The following ARHGAP15 variants were observed in gnomAD, a reference collection of about 807,000 sequenced individuals.
ARHGAP15 encodes the protein rho GTPase-activating protein 15.
ARHGAP15 carries 51 observed loss-of-function variants against 63.7 expected under a neutral mutation model. The ratio of observed to expected loss-of-function variants is 0.80; its 90% CI spans 0.64 to 1.01. The LOEUF is 1.01. Ranked by LOEUF, ARHGAP15 falls within the 50% of genes least tolerant of loss-of-function variation. The pLI is 0.00. For synonymous variants in ARHGAP15, 191 were observed against 193.8 expected, an observed-to-expected ratio of 0.99 and a Z score of 0.12; for missense variants, 560 against 564.6, an observed-to-expected ratio of 0.99 and a Z score of 0.08.
At chr2:143,469,020 C>T (rs532707715) in intron 8 of ARHGAP15, among the ~76,000 whole-genome samples, 196 of 152,090 alleles carry the variant, frequency 1.3e-3, no homozygotes, top group African/African-American at 4.2e-3. Flanking sequence ...TGGAACTGAC[C>T]CTTTATGAGA....
chr2:143,601,534 A>G (rs1305471967), intron 11 of ARHGAP15: 1 of 152,182 alleles, frequency 6.6e-6, no homozygotes, highest in East Asian at 1.9e-4. Flanking sequence ...CTCTATGATT[A>G]TTCTGATGAA....
intron 6 of ARHGAP15, among the ~76,000 whole-genome samples, chr2:143,286,828 A>G (rs546441153): frequency 6.6e-6 from 1 of 152,344 alleles, no homozygotes; most frequent in Admixed American, 6.5e-5. Context: ...TTACACAAAC[A>G]TAGATGGTAT....
intron 6 of ARHGAP15, among the ~76,000 whole-genome samples, chr2:143,420,604 GC>G (rs1688876452): frequency 6.6e-6 from 1 of 152,166 alleles, no homozygotes; most frequent in African/African-American, 2.4e-5. Context: ...TGAAGCCTCT[GC>G]GGTAATTTAC....
chr2:143,423,080 T>A (rs1688996624), intron 6 of ARHGAP15, among the ~76,000 whole-genome samples: 1 of 151,990 alleles, frequency 6.6e-6, no homozygotes, highest in African/African-American at 2.4e-5. Context: ...GAGGAAAAGA[T>A]CAGGAACCAG....
At chr2:143,400,764 CATATA>C (rs2104995489) in intron 6 of ARHGAP15, among the ~76,000 whole-genome samples, 1 of 152,140 alleles carries the variant, frequency 6.6e-6, no homozygotes, top group East Asian at 1.9e-4. Context: ...GTTAAGATGA[CATATA>C]GTAGAGAAAA....
intron 11 of ARHGAP15, among the ~76,000 whole-genome samples, chr2:143,592,263 A>G (rs562135277): frequency 5.9e-5 from 9 of 152,236 alleles, no homozygotes; most frequent in Non-Finnish European, 1.2e-4. Context: ...AAGAAATTAT[A>G]GCATCATTTT....
At chr2:143,481,709 G>C (rs540052139) in intron 8 of ARHGAP15, among the ~76,000 whole-genome samples, 1 of 152,116 alleles carries the variant, frequency 6.6e-6, no homozygotes, top group South Asian at 2.1e-4. Flanking sequence ...GTAAGCATTC[G>C]TAGCTCTAGA....
At chr2:143,139,184 C>T (rs1198395619) in intron 1 of ARHGAP15, among the ~76,000 whole-genome samples, 1 of 152,052 alleles carries the variant, frequency 6.6e-6, no homozygotes, top group Admixed American at 6.6e-5. Flanking sequence ...GATTATGTCC[C>T]ACATTAAATC....
rs571079517 is a variant in ARHGAP15, at chr2:143,624,265, T to A, written c.1136T>A (p.Ile379Asn). Residue 379 changes from isoleucine to asparagine, a missense_variant and splice_region_variant, in exon 12 of 14, where the codon ATC becomes AAC. By Grantham distance (149) the Ile-to-Asn change is moderately radical. Coordinates refer to ENST00000295095, the MANE Select transcript of ARHGAP15 (RefSeq NM_018460.4). ...YSFFEQFVEA[I>N]KKQDNNTRIE... is the part of the protein sequence containing the mutation. The stretch of plus-strand genomic sequence containing the variant: ...TTCTTTGAGCAGTTTGTGGAAGCGA[T>A]CAGTAAGTACCTCACAGAAAAGGGC... The A allele has an allele frequency of 2.5e-6, 4 of 1,613,132 alleles. No homozygotes were observed. In the African/African-American group the frequency reaches 5.3e-5, roughly 22 times the overall value.
chr2:143,177,219 T>C (rs569424671), intron 2 of ARHGAP15, among the ~76,000 whole-genome samples: 1 of 152,356 alleles, frequency 6.6e-6, no homozygotes, highest in African/African-American at 2.4e-5. Flanking sequence ...TGTCTTCTTT[T>C]TCCTCTGTTA....
intron 6 of ARHGAP15, among the ~76,000 whole-genome samples, chr2:143,316,803 C>A (rs983517744): frequency 6.6e-6 from 1 of 151,960 alleles, no homozygotes; most frequent in East Asian, 1.9e-4. Context: ...TTATTTCCAG[C>A]CTAGATTACA....
intron 9 of ARHGAP15, among the ~76,000 whole-genome samples, chr2:143,492,781 G>A (rs1233232662): frequency 6.6e-6 from 1 of 151,006 alleles, no homozygotes; most frequent in East Asian, 2.0e-4. Context: ...AATCATCCGG[G>A]CGTGGTGGCT....
At chr2:143,229,703 G>C (rs143937226) in intron 5 of ARHGAP15, among the ~76,000 whole-genome samples, 1 of 152,158 alleles carries the variant, frequency 6.6e-6, no homozygotes, top group Non-Finnish European at 1.5e-5. Flanking sequence ...GTAATAAAAC[G>C]ATGGGAAGTT....
intron 10 of ARHGAP15, among the ~76,000 whole-genome samples, chr2:143,537,736 A>G (rs942129393): frequency 7.9e-5 from 12 of 152,220 alleles, no homozygotes; most frequent in African/African-American, 2.4e-4. Context: ...CCATTGATCT[A>G]TATCTCTGTT....
intron 6 of ARHGAP15, among the ~76,000 whole-genome samples, chr2:143,319,741 C>T (rs928760037): frequency 2.6e-5 from 4 of 152,220 alleles, no homozygotes; most frequent in Non-Finnish European, 5.9e-5. Flanking sequence ...GATTAGAAAA[C>T]TCATCTTTAT....
intron 12 of ARHGAP15, among the ~76,000 whole-genome samples, chr2:143,651,661 T>A (rs1681171009): frequency 6.6e-6 from 1 of 152,044 alleles, no homozygotes; most frequent in African/African-American, 2.4e-5. Flanking sequence ...GCAGAGTAAC[T>A]ATATCATTTT....
At chr2:143,722,164 TGAAAA>T (rs1021590614) in intron 13 of ARHGAP15, among the ~76,000 whole-genome samples, 2 of 151,760 alleles carry the variant, frequency 1.3e-5, no homozygotes, top group East Asian at 1.9e-4. Flanking sequence ...TTTAGATACT[TGAAAA>T]GAAACACACA....
chr2:143,562,914 A>T (rs1177954738), intron 11 of ARHGAP15, among the ~76,000 whole-genome samples: 1 of 152,228 alleles, frequency 6.6e-6, no homozygotes, highest in Non-Finnish European at 1.5e-5. Flanking sequence ...GACAGTCTCC[A>T]AGACACACAA....
rs553712866 is a variant in ARHGAP15, at chr2:143,662,540, C to T, written c.1138+38273C>T. On this transcript the variant is annotated intron_variant, in intron 12 of 13. Transcript: ENST00000295095. ...CCTCCAAAGGAACGCAGTTCCTCACCAGCAACGGAACAAAGCTGGATGGAG... is the reference window on the plus strand; with the variant it reads ...CCTCCAAAGGAACGCAGTTCCTCACTAGCAACGGAACAAAGCTGGATGGAG... 1.2e-4 allele frequency among the ~76,000 whole-genome samples: 17 copies of T among 139,040 alleles called. No individual in the cohort carries two copies. In the South Asian group the frequency reaches 4.0e-3, roughly 32 times the overall value. 91.2% of individuals were successfully genotyped at this position (139,040 alleles called of 152,430 possible). A position where few individuals can be genotyped will look rare whatever the true frequency, so the allele number is the denominator to read the frequency against.
Sources: allele counts gnomAD v4.1 joint callset (sites outside exome capture counted in the v4.1 genomes callset), GRCh38; gene constraint gnomAD v4.1.1; transcripts MANE v1.5; gene names NCBI Gene and HGNC (gene_info 2026-07-23, HGNC 2026-07-21).